DACH1: variants seen among roughly 807,000 people sequenced by gnomAD.
DACH1 encodes dachshund homolog 1.
A neutral mutation model predicts 54.2 loss-of-function variants in DACH1; 12 were observed. That is an observed-to-expected ratio of 0.22 (90% CI 0.14 to 0.36). The LOEUF (loss-of-function observed/expected upper bound fraction) is 0.36. Ranked by LOEUF, DACH1 falls within the 10% of genes least tolerant of loss-of-function variation. DACH1 has a pLI of 1.00. For synonymous variants in DACH1, 386 were observed against 366.2 expected, an observed-to-expected ratio of 1.05 and a Z score of -0.62; for missense variants, 805 against 929.8, an observed-to-expected ratio of 0.87 and a Z score of 1.75.
At chr13:71,474,628 A>G (rs1378882703) in intron 10 of DACH1, among the ~76,000 whole-genome samples, 1 of 152,194 alleles carries the variant, frequency 6.6e-6, no homozygotes, top group Non-Finnish European at 1.5e-5. Context: ...GTGTTATTAA[A>G]GTGTATATAA....
intron 6 of DACH1, among the ~76,000 whole-genome samples, chr13:71,506,934 A>G (rs573318618): frequency 4.6e-5 from 7 of 151,332 alleles, no homozygotes; most frequent in African/African-American, 1.7e-4. Context: ...TAAACGTTAG[A>G]CCTAAAACCA....
In DACH1 at chr13:71,792,578, T is replaced by A. The variant is rs182222294; in HGVS notation, c.848+73344A>T. ...TTGTCAAACTCAACTTGTAAAAATT[T>A]AAAATTGAGATGTTAAATTGAGAGT... On this transcript the variant is annotated intron_variant, in intron 1 of 10. Transcript: ENST00000613252. Among the ~76,000 whole-genome samples the A allele has an allele frequency of 8.5e-3, 1,287 of 152,270 alleles. 14 individuals are homozygous for A. The highest frequency in any genetic ancestry group is 0.027 in the African/African-American group (1,107 of 41,552).
chr13:71,779,098 AAT>A (rs756985444), intron 1 of DACH1, among the ~76,000 whole-genome samples: 5 of 136,346 alleles, frequency 3.7e-5, no homozygotes, highest in South Asian at 2.2e-4. Flanking sequence ...CAAAGGGCTG[AAT>A]ATATATATAT....
At chr13:71,588,588 A>C (rs1873448040) in intron 3 of DACH1, among the ~76,000 whole-genome samples, 1 of 152,090 alleles carries the variant, frequency 6.6e-6, no homozygotes, top group Non-Finnish European at 1.5e-5. Flanking sequence ...AATGCAATAT[A>C]AAGTACAGTA....
intron 1 of DACH1, among the ~76,000 whole-genome samples, chr13:71,688,658 A>G (rs930447023): frequency 2.0e-5 from 3 of 152,180 alleles, no homozygotes; most frequent in African/African-American, 7.2e-5. Flanking sequence ...ACAGAGGTCC[A>G]TGGGGCACCT....
At chr13:71,865,707 G>C (rs541910012) in intron 1 of DACH1, among the ~76,000 whole-genome samples, 1 of 152,122 alleles carries the variant, frequency 6.6e-6, no homozygotes, top group Non-Finnish European at 1.5e-5. Flanking sequence ...GGGAGGACCG[G>C]GCCGAAGAGC....
intron 2 of DACH1, among the ~76,000 whole-genome samples, chr13:71,681,533 T>C (rs565879755): frequency 6.6e-6 from 1 of 152,330 alleles, no homozygotes; most frequent in South Asian, 2.1e-4. Flanking sequence ...ATAGGAATAA[T>C]AATTTGATGT....
chr13:71,482,038 A>G lies in DACH1; in HGVS notation c.1723-2722T>C, dbSNP rs74570371. ...CTCCAAGGGGAGGATGGTTCTTAGG[A>G]TACTGAAGTCGGTTAATGACAAGTC... On this transcript the variant is annotated intron_variant, in intron 7 of 10. Coordinates refer to ENST00000613252, the MANE Select transcript of DACH1 (RefSeq NM_080759.6). Among the ~76,000 whole-genome samples the G allele has an allele frequency of 1.9e-3, 297 of 152,342 alleles. 2 individuals carry two copies. Among genetic ancestry groups the G allele is most frequent in the Admixed American group, 5.4e-3 (83 of 15,304 alleles).
intron 1 of DACH1, among the ~76,000 whole-genome samples, chr13:71,760,875 A>T (rs1285179664): frequency 6.6e-6 from 1 of 152,078 alleles, no homozygotes; most frequent in East Asian, 1.9e-4. Context: ...TTCCACTATA[A>T]CTTTTCTTTT....
At chr13:71,585,728 A>T (rs1873199124) in intron 3 of DACH1, among the ~76,000 whole-genome samples, 1 of 152,152 alleles carries the variant, frequency 6.6e-6, no homozygotes, top group Non-Finnish European at 1.5e-5. Context: ...TTTGGTCATC[A>T]TCTTAGGCAG....
chr13:71,458,553 A>C (rs1248659454), intron 10 of DACH1, among the ~76,000 whole-genome samples: 3 of 151,890 alleles, frequency 2.0e-5, no homozygotes, highest in Admixed American at 2.0e-4. Flanking sequence ...TACCTATTAG[A>C]TCAATTTTAG....
At position 71,706,122 on chromosome 13, in the gene DACH1, T is replaced by C. The variant is rs1269448873; in HGVS notation, c.849-24212A>G. On this transcript the variant is annotated intron_variant, in intron 1 of 10. Coordinates refer to ENST00000613252, the MANE Select transcript of DACH1 (RefSeq NM_080759.6). ...TCAGTCAGAATAGGATATTTTCTAATGCGAATGTTACAGAACTCACAATAG... is the reference window on the plus strand; with the variant it reads ...TCAGTCAGAATAGGATATTTTCTAACGCGAATGTTACAGAACTCACAATAG... Among the ~76,000 whole-genome samples, 4 of 152,036 alleles carry C rather than the reference T, an allele frequency of 2.6e-5. No homozygotes were observed. In the East Asian group the frequency reaches 5.8e-4, roughly 22 times the overall value.
At chr13:71,574,101 G>A (rs1885391199) in intron 3 of DACH1, among the ~76,000 whole-genome samples, 1 of 152,032 alleles carries the variant, frequency 6.6e-6, no homozygotes, top group African/African-American at 2.4e-5. Flanking sequence ...ATGCATGCAT[G>A]TGTGTGTGAA....
intron 1 of DACH1, among the ~76,000 whole-genome samples, chr13:71,745,486 T>C (rs1436668096): frequency 6.6e-6 from 1 of 152,224 alleles, no homozygotes; most frequent in Non-Finnish European, 1.5e-5. Flanking sequence ...TTCTAATGGA[T>C]GTCTAAATTG....
chr13:71,765,957 G>C (rs1049897001), intron 1 of DACH1, among the ~76,000 whole-genome samples: 4 of 143,880 alleles, frequency 2.8e-5, no homozygotes, highest in Admixed American at 2.2e-4. Context: ...CGCGATCTCT[G>C]CTCACTGCAA....
chr13:71,708,932 A>C (rs551176989), intron 1 of DACH1, among the ~76,000 whole-genome samples: 235 of 144,958 alleles, frequency 1.6e-3, no homozygotes, highest in African/African-American at 5.6e-3. Context: ...GGCTCACTGC[A>C]AGCTCAGCCT....
intron 1 of DACH1, among the ~76,000 whole-genome samples, chr13:71,771,384 A>G (rs1348587814): frequency 2.0e-5 from 3 of 151,474 alleles, no homozygotes; most frequent in Non-Finnish European, 4.4e-5. Context: ...CAAATGACAG[A>G]TTTCTTCTAA....
intron 1 of DACH1, among the ~76,000 whole-genome samples, chr13:71,807,615 CT>C (rs1440490178): frequency 5.9e-5 from 9 of 152,016 alleles, no homozygotes; most frequent in Non-Finnish European, 1.2e-4. Context: ...GCTATTATGC[CT>C]TTGCTGAGAC....
chr13:71,512,620 T>G (rs1880864445), intron 6 of DACH1, among the ~76,000 whole-genome samples: 1 of 151,922 alleles, frequency 6.6e-6, no homozygotes, highest in Admixed American at 6.6e-5. Context: ...TTTTCTTGGA[T>G]CTCAAAGTGT....
Sources: allele counts gnomAD v4.1 joint callset (sites outside exome capture counted in the v4.1 genomes callset), GRCh38; gene constraint gnomAD v4.1.1; transcripts MANE v1.5; gene names NCBI Gene and HGNC (gene_info 2026-07-23, HGNC 2026-07-21).